PEAK1: variants seen among roughly 807,000 people sequenced by gnomAD.
The protein encoded by PEAK1 is inactive tyrosine-protein kinase PEAK1.
Under a neutral mutation model 124.7 loss-of-function variants are expected in PEAK1, and 54 were observed. That is an observed-to-expected ratio of 0.43 (90% CI 0.35 to 0.54). PEAK1 has a LOEUF of 0.54. Ranked by LOEUF, PEAK1 falls within the 20% of genes least tolerant of loss-of-function variation. The probability of loss-of-function intolerance (pLI) is 0.01; values close to 1 mark genes in which losing one functional copy is unlikely to be tolerated. For missense variants in PEAK1, 2,046 were observed against 2,134.5 expected, an observed-to-expected ratio of 0.96 and a Z score of 0.82; for synonymous variants, 719 against 760.0, an observed-to-expected ratio of 0.95 and a Z score of 0.89.
intron 6 of PEAK1, among the ~76,000 whole-genome samples, chr15:77,203,709 C>CAA (rs2058484345): frequency 7.0e-6 from 1 of 142,868 alleles, no homozygotes; most frequent in Admixed American, 6.9e-5. Context: ...AACTGGACAT[C>CAA]CAAAAAAAAA....
chr15:77,348,545 A>T, intron 2 of PEAK1: 1 of 963,342 alleles, frequency 1.0e-6, no homozygotes, highest in South Asian at 4.8e-5. Context: ...GAAGAAATAA[A>T]AGCTTGGCAA....
intron 8 of PEAK1, among the ~76,000 whole-genome samples, chr15:77,144,608 G>A (rs561577521): frequency 3.4e-4 from 52 of 152,300 alleles, no homozygotes; most frequent in African/African-American, 1.2e-3. Flanking sequence ...AAGGTAGCAA[G>A]GAAATAAAGA....
intron 1 of PEAK1, among the ~76,000 whole-genome samples, chr15:77,393,224 C>G (rs1404657589): frequency 6.6e-6 from 1 of 152,138 alleles, no homozygotes; most frequent in Admixed American, 6.5e-5. Flanking sequence ...CTGGGCAAGT[C>G]CTGGTGTGGT....
intron 1 of PEAK1, among the ~76,000 whole-genome samples, chr15:77,408,862 G>C (rs529995387): frequency 6.6e-6 from 1 of 152,272 alleles, no homozygotes; most frequent in East Asian, 1.9e-4. Context: ...CCTGAGCCCA[G>C]GAGTTTGCAA....
intron 2 of PEAK1, among the ~76,000 whole-genome samples, chr15:77,360,460 C>T (rs1326814824): frequency 6.6e-6 from 1 of 152,168 alleles, no homozygotes; most frequent in Admixed American, 6.5e-5. Flanking sequence ...TAAATCATTT[C>T]TCATAAGAGA....
intron 1 of PEAK1, among the ~76,000 whole-genome samples, chr15:77,374,792 A>G (rs1188580489): frequency 6.6e-6 from 1 of 152,180 alleles, no homozygotes; most frequent in East Asian, 1.9e-4. Flanking sequence ...ATCTAATTTC[A>G]ACACTATCTC....
intron 1 of PEAK1, among the ~76,000 whole-genome samples, chr15:77,367,122 G>A (rs930478247): frequency 6.6e-6 from 1 of 152,130 alleles, no homozygotes; most frequent in African/African-American, 2.4e-5. Context: ...GACCGGGCGA[G>A]ACTCCATCTC....
At chr15:77,400,703 G>A (rs1234343874) in intron 1 of PEAK1, among the ~76,000 whole-genome samples, 3 of 152,038 alleles carry the variant, frequency 2.0e-5, no homozygotes, top group Non-Finnish European at 2.9e-5. Context: ...GAGGTAGAAT[G>A]TAAAACAACA....
intron 1 of PEAK1, among the ~76,000 whole-genome samples, chr15:77,384,281 A>C (rs1198535622): frequency 6.6e-6 from 1 of 151,946 alleles, no homozygotes; most frequent in African/African-American, 2.4e-5. Flanking sequence ...AGATATTCTC[A>C]TGCAGAGAAA....
chr15:77,124,452 T>A (rs1056742922), intron 9 of PEAK1, among the ~76,000 whole-genome samples: 10 of 152,230 alleles, frequency 6.6e-5, no homozygotes, highest in Non-Finnish European at 1.3e-4. Flanking sequence ...GCTTTTCTGA[T>A]TCATATTTCA....
intron 5 of PEAK1, among the ~76,000 whole-genome samples, chr15:77,263,398 C>T (rs1488945840): frequency 4.6e-5 from 7 of 151,852 alleles, no homozygotes; most frequent in Non-Finnish European, 7.4e-5. Flanking sequence ...ATCAAATAGA[C>T]GTAATAAAAA....
At chr15:77,350,780 A>G (rs2067160837) in intron 2 of PEAK1, 1 of 980,120 alleles carries the variant, frequency 1.0e-6, no homozygotes, top group Non-Finnish European at 1.2e-6. Flanking sequence ...ATTCTGTATA[A>G]CCTATTTTGT....
intron 2 of PEAK1, among the ~76,000 whole-genome samples, chr15:77,315,357 A>G (rs2064803860): frequency 6.6e-6 from 1 of 152,220 alleles, no homozygotes; most frequent in South Asian, 2.1e-4. Context: ...AAGGTCATAC[A>G]TACCTTACTA....
Position 77,403,188 on chromosome 15 carries a change from G to C in PEAK1, c.-666+16818C>G, listed in dbSNP as rs905678076. On this transcript the variant is annotated intron_variant, in intron 1 of 9. Transcript: ENST00000682557. ...TGCCTGTATCATCTTGGCCTCCAAT[G>C]AGATTGTATTTGTCTCTCAAACTGC... 11 of 985,244 alleles carry C rather than the reference G, an allele frequency of 1.1e-5. No individual in the cohort carries two copies. The African/African-American group carries it at 1.2e-4, about 11-fold the overall frequency. 61.0% of individuals were successfully genotyped at this position (985,244 alleles called of 1,614,324 possible). A position where few individuals can be genotyped will look rare whatever the true frequency, so the allele number is the denominator to read the frequency against.
intron 1 of PEAK1, among the ~76,000 whole-genome samples, chr15:77,386,852 C>G (rs2141873568): frequency 6.6e-6 from 1 of 152,258 alleles, no homozygotes; most frequent in East Asian, 1.9e-4. Context: ...CCTCAATTGA[C>G]AGTCATGCAT....
In PEAK1 at chr15:77,409,840, C is replaced by A. The variant is rs973425239; in HGVS notation, c.-666+10166G>T. Among the ~76,000 whole-genome samples, 4 of 152,098 alleles carry A rather than the reference C, an allele frequency of 2.6e-5. 1 individual carries two copies. The highest frequency in any genetic ancestry group is 2.6e-4 in the Admixed American group (4 of 15,270). On this transcript the variant is annotated intron_variant, in intron 1 of 9. Transcript: ENST00000682557. ...TATATTCTAATTTCACCTCACAACC[C>A]CATAAAGTAAGTACAAGTATTATCC... is the stretch of plus-strand genomic sequence containing the variant.
intron 9 of PEAK1, among the ~76,000 whole-genome samples, chr15:77,124,596 G>A (rs2052212987): frequency 6.6e-6 from 1 of 152,102 alleles, no homozygotes; most frequent in Non-Finnish European, 1.5e-5. Flanking sequence ...CTTTTCCTTT[G>A]CCTTACATCA....
chr15:77,349,258 C>T (rs2067064268), intron 2 of PEAK1: 1 of 560,196 alleles, frequency 1.8e-6, no homozygotes, highest in South Asian at 7.9e-5. Context: ...CCAGGATGGT[C>T]TCGATCTTCT....
intron 9 of PEAK1, among the ~76,000 whole-genome samples, chr15:77,116,292 C>A (rs955949378): frequency 1.3e-5 from 2 of 152,150 alleles, no homozygotes; most frequent in East Asian, 3.8e-4. Flanking sequence ...GGAGTCTGCT[C>A]CACAGCCCTG....
Sources: allele counts gnomAD v4.1 joint callset (sites outside exome capture counted in the v4.1 genomes callset), GRCh38; gene constraint gnomAD v4.1.1; transcripts MANE v1.5; gene names NCBI Gene and HGNC (gene_info 2026-07-23, HGNC 2026-07-21).